The following ARB2A variants were observed in gnomAD, a reference collection of about 807,000 sequenced individuals.
ARB2A encodes cotranscriptional regulator ARB2A.
At chr5:94,001,964 C>T in the ARB2A span, among the ~76,000 whole-genome samples, 1 of 152,116 alleles carries the variant, frequency 6.6e-6, no homozygotes, top group Admixed American at 6.6e-5. Flanking sequence ...GAATGGTTCT[C>T]TGATTAGGTC....
At chr5:93,858,175 T>C in the ARB2A span, among the ~76,000 whole-genome samples, 4 of 152,276 alleles carry the variant, frequency 2.6e-5, no homozygotes, top group African/African-American at 9.6e-5. Flanking sequence ...TGACAACACA[T>C]GTGAAAAGTT....
At chr5:94,034,638 C>T in the ARB2A span, among the ~76,000 whole-genome samples, 1 of 152,204 alleles carries the variant, frequency 6.6e-6, no homozygotes, top group Non-Finnish European at 1.5e-5. Context: ...CCTCAAATTG[C>T]ACCAACTTTG....
At chr5:94,101,726 G>C in the ARB2A span, among the ~76,000 whole-genome samples, 186 of 152,290 alleles carry the variant, frequency 1.2e-3, 1 homozygote, top group African/African-American at 4.3e-3. Context: ...TCACTTGTAA[G>C]TGGGAGCCAA....
At chr5:94,041,730 A>T in the ARB2A span, among the ~76,000 whole-genome samples, 1 of 152,196 alleles carries the variant, frequency 6.6e-6, no homozygotes, top group South Asian at 2.1e-4. Context: ...CAGATCATAA[A>T]CTACTTCTTT....
chr5:93,797,951 G>A, the ARB2A span, among the ~76,000 whole-genome samples: 1 of 152,080 alleles, frequency 6.6e-6, no homozygotes, highest in African/African-American at 2.4e-5. Flanking sequence ...AAACATCAAT[G>A]TGTCTGAAGG....
chr5:93,974,181 C>G, the ARB2A span, among the ~76,000 whole-genome samples: 2 of 152,114 alleles, frequency 1.3e-5, no homozygotes, highest in African/African-American at 4.8e-5. Context: ...CACACAAAGG[C>G]TCAAAGTAAA....
the ARB2A span, among the ~76,000 whole-genome samples, chr5:93,809,975 G>A: frequency 6.6e-6 from 1 of 152,026 alleles, no homozygotes; most frequent in Non-Finnish European, 1.5e-5. Flanking sequence ...TAAGCATTGA[G>A]TAATGAAATT....
the ARB2A span, among the ~76,000 whole-genome samples, chr5:93,851,315 G>GA: frequency 6.6e-6 from 1 of 152,034 alleles, no homozygotes; most frequent in South Asian, 2.1e-4. Context: ...TTTTACAGAG[G>GA]AAAAAACCTG....
At chr5:93,815,012 A>T in the ARB2A span, among the ~76,000 whole-genome samples, 187 of 151,464 alleles carry the variant, frequency 1.2e-3, 1 homozygote, top group African/African-American at 2.1e-3. Flanking sequence ...TAATTTTTTT[A>T]AAAAAATTTT....
chr5:93,848,665 G>C, the ARB2A span, among the ~76,000 whole-genome samples: 1 of 152,224 alleles, frequency 6.6e-6, no homozygotes, highest in East Asian at 1.9e-4. Context: ...ATTTTGAACT[G>C]AAAAGATGAA....
the ARB2A span, among the ~76,000 whole-genome samples, chr5:94,061,068 C>G: frequency 1.3e-5 from 2 of 152,092 alleles, no homozygotes; most frequent in African/African-American, 4.8e-5. Context: ...GAAACCCTGT[C>G]TCTACTAAAA....
the ARB2A span, among the ~76,000 whole-genome samples, chr5:94,053,508 G>A: frequency 6.6e-6 from 1 of 151,956 alleles, no homozygotes; most frequent in African/African-American, 2.4e-5. Context: ...CTATTAATTT[G>A]TACCTTATTA....
the ARB2A span, among the ~76,000 whole-genome samples, chr5:93,976,253 C>T: frequency 3.9e-5 from 6 of 152,014 alleles, no homozygotes; most frequent in Non-Finnish European, 5.9e-5. Context: ...AACTAGCCAT[C>T]GAAGGAACAC....
At chr5:93,772,525 G>A in the ARB2A span, among the ~76,000 whole-genome samples, 1 of 152,076 alleles carries the variant, frequency 6.6e-6, no homozygotes, top group African/African-American at 2.4e-5. Context: ...TACTGCTGTG[G>A]AACAAATAAC....
the ARB2A span, among the ~76,000 whole-genome samples, chr5:93,723,449 C>T: frequency 6.6e-6 from 1 of 151,992 alleles, no homozygotes; most frequent in South Asian, 2.1e-4. Context: ...TGAGGAGCAC[C>T]TACCTCCAGT....
chr5:94,105,086 G>C, the ARB2A span, among the ~76,000 whole-genome samples: 5 of 151,956 alleles, frequency 3.3e-5, no homozygotes, highest in Non-Finnish European at 7.4e-5. Flanking sequence ...ACCGGAACAA[G>C]ACAAGCATGC....
the ARB2A span, among the ~76,000 whole-genome samples, chr5:93,884,407 A>G: frequency 6.6e-6 from 1 of 151,616 alleles, no homozygotes; most frequent in African/African-American, 2.4e-5. Context: ...ATATCATCAA[A>G]GAAGCAGTAT....
At chr5:93,654,157 G>T in the ARB2A span, among the ~76,000 whole-genome samples, 1 of 152,124 alleles carries the variant, frequency 6.6e-6, no homozygotes, top group African/African-American at 2.4e-5. Context: ...ATGAAAACCG[G>T]TGAGTCTGAC....
the ARB2A span, among the ~76,000 whole-genome samples, chr5:94,052,198 A>G: frequency 3.3e-5 from 5 of 152,192 alleles, no homozygotes; most frequent in Non-Finnish European, 7.3e-5. Context: ...CCTGGACATG[A>G]CTTTTTCCCC....
Sources: gnomAD v4.1 joint callset for allele counts (sites outside exome capture counted in the v4.1 genomes callset) on GRCh38, gnomAD v4.1.1 for gene constraint, MANE v1.5 for transcripts, NCBI Gene and HGNC (gene_info 2026-07-23, HGNC 2026-07-21) for gene names.